Variants in SASH1 observed in about 807,000 individuals in gnomAD.
The protein encoded by SASH1 is SAM and SH3 domain containing 1.
A neutral mutation model predicts 125.2 loss-of-function variants in SASH1; 44 were observed. The ratio of observed to expected loss-of-function variants is 0.35; its 90% CI spans 0.28 to 0.45. The LOEUF (loss-of-function observed/expected upper bound fraction) is 0.45, where lower values mean the gene tolerates loss of function less well. Ranked by LOEUF, SASH1 falls within the 20% of genes least tolerant of loss-of-function variation. The probability of loss-of-function intolerance (pLI) is 1.00; values close to 1 mark genes in which losing one functional copy is unlikely to be tolerated. For synonymous variants in SASH1, 639 were observed against 649.1 expected, an observed-to-expected ratio of 0.98 and a Z score of 0.24; for missense variants, 1,426 against 1,614.5, an observed-to-expected ratio of 0.88 and a Z score of 2.00.
chr6:148,193,836 T>C, the SASH1 span, among the ~76,000 whole-genome samples: 4 of 152,330 alleles, frequency 2.6e-5, no homozygotes, highest in South Asian at 8.3e-4. Context: ...TCTAATTCTA[T>C]TGATGAAGAA....
Position 148,287,064 on chromosome 6 carries a change from G to A in SASH1, n.74+14687G>A, listed in dbSNP as rs191588888. Among the ~76,000 whole-genome samples the A allele has an allele frequency of 2.8e-3, 428 of 152,286 alleles. 2 individuals carry two copies. Among genetic ancestry groups the A allele is most frequent in the African/African-American group, 9.4e-3 (389 of 41,562 alleles). ...GAGGGTCAGATTTGAGGGATGAGAT[G>A]TGAGTGGAGGTGCCGTTCTTGCCCC... On this transcript the variant is annotated intron_variant and non_coding_transcript_variant, in intron 1 of 3. Transcript: ENST00000367469.
At chr6:148,402,637 C>T (rs1362381880) in intron 2 of SASH1, among the ~76,000 whole-genome samples, 2 of 130,928 alleles carry the variant, frequency 1.5e-5, no homozygotes, top group African/African-American at 6.0e-5. Context: ...TTTTTGGAGA[C>T]AGAGTCTCGC....
intron 1 of SASH1, among the ~76,000 whole-genome samples, chr6:148,275,382 A>C (rs1779157454): frequency 6.6e-6 from 1 of 152,126 alleles, no homozygotes; most frequent in Non-Finnish European, 1.5e-5. Context: ...AAGTCCAAGA[A>C]AATTATTTGT....
the SASH1 span, among the ~76,000 whole-genome samples, chr6:148,207,773 T>G: frequency 6.6e-6 from 1 of 152,202 alleles, no homozygotes; most frequent in East Asian, 1.9e-4. Context: ...TTAAAACATT[T>G]GTGAGTCAGA....
chr6:148,535,432 T>G (rs555839206), intron 16 of SASH1, among the ~76,000 whole-genome samples: 1 of 152,312 alleles, frequency 6.6e-6, no homozygotes, highest in East Asian at 1.9e-4. Context: ...CAAAGCTTGA[T>G]TACTTCTCAG....
At chr6:148,422,312 C>T (rs1386420473) in intron 2 of SASH1, among the ~76,000 whole-genome samples, 1 of 152,204 alleles carries the variant, frequency 6.6e-6, no homozygotes, top group Admixed American at 6.5e-5. Context: ...TCCACCTTGT[C>T]CCCTCCTCCC....
Position 148,519,526 on chromosome 6 carries a change from ACT to A in SASH1, c.863-18_863-17del, listed in dbSNP as rs779694678. On this transcript the variant is annotated intron_variant, in intron 9 of 19. Transcript: ENST00000367467. The surrounding 1 kb of genome is among the most constrained non-coding windows in gnomAD (Gnocchi z 4.8). Reference sequence around the variant, plus strand: ...GAATGCAAAGGTGTGTTCACAAGAGACTCTGTTGGTTTCCCTCCAGGTGGGGA... The same window carrying A: ...GAATGCAAAGGTGTGTTCACAAGAGACTGTTGGTTTCCCTCCAGGTGGGGA... The A allele has an allele frequency of 2.4e-5, 38 of 1,584,210 alleles. No homozygotes were observed. The highest frequency in any genetic ancestry group is 1.0e-4 in the South Asian group (9 of 89,832).
chr6:148,498,338 C>G (rs1779405184), intron 8 of SASH1, among the ~76,000 whole-genome samples: 1 of 151,442 alleles, frequency 6.6e-6, no homozygotes, highest in Non-Finnish European at 1.5e-5. Flanking sequence ...CTGAACGAGG[C>G]TGTAGTGAGC....
intron 1 of SASH1, among the ~76,000 whole-genome samples, chr6:148,385,515 G>A (rs1027414638): frequency 6.6e-6 from 1 of 152,176 alleles, no homozygotes; most frequent in African/African-American, 2.4e-5. Context: ...TGAGTTGACT[G>A]ATGGCTGGCC....
At chr6:148,540,400 T>C (rs1367458569) in intron 16 of SASH1, 43 bp from the exon 17 acceptor site, 3 of 1,517,834 alleles carry the variant, frequency 2.0e-6, no homozygotes. Context: ...AACCTCTGCT[T>C]TTCACTCACC....
At chr6:148,358,733 G>GTTTTTTTTTTTTTTTTTTTTTTTTTT (rs10673654) in intron 1 of SASH1, among the ~76,000 whole-genome samples, 1 of 120,922 alleles carries the variant, frequency 8.3e-6, no homozygotes, top group Admixed American at 9.4e-5. Context: ...CCATGTTTTT[G>GTTTTTTTTTTTTTTTTTTTTTTTTTT]TTTTTTTTTT....
intron 1 of SASH1, among the ~76,000 whole-genome samples, chr6:148,319,055 C>T (rs548383189): frequency 1.5e-5 from 1 of 65,630 alleles, no homozygotes; most frequent in Non-Finnish European, 2.9e-5. Flanking sequence ...TTTTTTGAGA[C>T]GGAGTCTGGC....
intron 2 of SASH1, among the ~76,000 whole-genome samples, chr6:148,435,532 G>A (rs893097721): frequency 7.9e-5 from 12 of 151,812 alleles, no homozygotes; most frequent in African/African-American, 2.4e-4. Flanking sequence ...TCATAAATAC[G>A]ATTTTTCCTT....
chr6:148,538,604 G>GACTT (rs1044559685), intron 16 of SASH1, among the ~76,000 whole-genome samples: 12 of 152,082 alleles, frequency 7.9e-5, no homozygotes, highest in Admixed American at 3.9e-4. Context: ...CTAATTGAGG[G>GACTT]ACTTACGCTG....
chr6:148,440,140 A>T (rs758282342), intron 2 of SASH1, 44 bp from the exon 3 acceptor site: 1 of 1,589,316 alleles, frequency 6.3e-7, no homozygotes, highest in Non-Finnish European at 8.6e-7. Context: ...CTCGCGTGTG[A>T]CATGTTTGGA....
chr6:148,543,924 C>T lies in SASH1; in HGVS notation c.2454C>T (p.Ile818=). 5 of 1,614,226 alleles carry T rather than the reference C, an allele frequency of 3.1e-6. No individual in the cohort carries two copies. The highest frequency in any genetic ancestry group is 4.2e-6 in the Non-Finnish European group (5 of 1,180,036). The change falls in exon 18 of 20, where the codon ATC becomes ATT. Residue 818 remains isoleucine, a synonymous_variant. Coordinates refer to ENST00000367467, the MANE Select transcript of SASH1 (RefSeq NM_015278.5). The stretch of plus-strand genomic sequence containing the variant: ...ACCGAAGAAGCCTCCCAGTTTCCAT[C>T]TGCCGGAGCTGTGAGACCCTGGAGG... ...NKNRRSLPVS[I]CRSCETLEGP... is the part of the protein sequence containing the mutation.
Position 148,377,205 on chromosome 6 carries a change from A to G in SASH1, c.157-12929A>G, listed in dbSNP as rs1228750023. ...AAAACAAAAAAAAAACAAAAAAAAA[A>G]CAAAACAAACAAACAAACAAAAAAA... is the stretch of plus-strand genomic sequence containing the variant. On this transcript the variant is annotated intron_variant, in intron 1 of 19. Transcript: ENST00000367467. Among the ~76,000 whole-genome samples, 75 of 80,928 alleles carry G rather than the reference A, an allele frequency of 9.3e-4. 1 individual carries two copies. Among genetic ancestry groups the G allele is most frequent in the African/African-American group, 3.6e-3 (71 of 19,990 alleles). 53.1% of individuals were successfully genotyped at this position (80,928 alleles called of 152,430 possible). A position where few individuals can be genotyped will look rare whatever the true frequency, so the allele number is the denominator to read the frequency against.
intron 2 of SASH1, among the ~76,000 whole-genome samples, chr6:148,394,322 C>A (rs185032772): frequency 1.2e-3 from 189 of 152,228 alleles, no homozygotes; most frequent in African/African-American, 4.5e-3. Context: ...TCTAGATGTC[C>A]ATGTTAGATG....
At chr6:148,454,683 T>C (rs1675575742) in intron 4 of SASH1, among the ~76,000 whole-genome samples, 2 of 152,164 alleles carry the variant, frequency 1.3e-5, no homozygotes, top group Admixed American at 1.3e-4. Flanking sequence ...CTTTGTATTT[T>C]AGACGGGCCA....
Sources: allele counts gnomAD v4.1 joint callset (sites outside exome capture counted in the v4.1 genomes callset), GRCh38; gene constraint gnomAD v4.1.1; non-coding constraint Gnocchi (gnomAD v3.1); transcripts MANE v1.5; gene names NCBI Gene and HGNC (gene_info 2026-07-23, HGNC 2026-07-21).